Variants in SHC3 observed in about 807,000 individuals in gnomAD.
SHC3 encodes the protein SHC-transforming protein 3.
In SHC3, 15 loss-of-function variants were observed where a neutral mutation model predicts 60.4. The ratio of observed to expected loss-of-function variants is 0.25; its 90% confidence interval spans 0.17 to 0.38. SHC3 has a LOEUF of 0.38. Ranked by LOEUF, SHC3 falls within the 10% of genes least tolerant of loss-of-function variation. The pLI is 1.00. For missense variants in SHC3, 677 were observed against 786.1 expected (o/e 0.86, Z 1.66); for synonymous variants, 294 against 325.9 (o/e 0.90, Z 1.05).
intron 2 of SHC3, among the ~76,000 whole-genome samples, chr9:89,083,634 T>C (rs568802427): frequency 1.3e-5 from 2 of 152,248 alleles, no homozygotes; most frequent in South Asian, 4.2e-4. Context: ...CGGCCAGACT[T>C]GGATGGTGAG....
chr9:89,014,517 G>T (rs986976770), intron 11 of SHC3, among the ~76,000 whole-genome samples: 1 of 152,116 alleles, frequency 6.6e-6, no homozygotes, highest in Non-Finnish European at 1.5e-5. Flanking sequence ...ATGCTCGAGG[G>T]TCAGCTGAAT....
intron 5 of SHC3, 127 bp from the exon 6 acceptor site, chr9:89,065,707 T>C (rs1393924352): frequency 9.9e-6 from 9 of 910,928 alleles, no homozygotes; most frequent in African/African-American, 1.7e-5. Context: ...AATCAAATGC[T>C]GCCTAAGAAA....
chr9:89,077,746 G>C, intron 3 of SHC3, 94 bp downstream of exon 3: 7 of 1,432,256 alleles, frequency 4.9e-6, no homozygotes, highest in Non-Finnish European at 6.9e-6. Flanking sequence ...ACAGAAAGAG[G>C]ACAATGAATA....
chr9:89,050,379 G>A (rs750212110), intron 7 of SHC3, among the ~76,000 whole-genome samples: 3 of 152,282 alleles, frequency 2.0e-5, no homozygotes, highest in Non-Finnish European at 4.4e-5. Context: ...GCCACCTCCC[G>A]AGTTCAAGTG....
chr9:89,102,523 C>A (rs780304833), intron 2 of SHC3, among the ~76,000 whole-genome samples: 12 of 152,010 alleles, frequency 7.9e-5, no homozygotes, highest in Admixed American at 5.2e-4. Context: ...TGTAATAACC[C>A]AAAATAGCGT....
At chr9:89,035,720 GT>G (rs1481654443) in intron 11 of SHC3, among the ~76,000 whole-genome samples, 2 of 151,722 alleles carry the variant, frequency 1.3e-5, no homozygotes, top group African/African-American at 4.8e-5. Context: ...TCTTTGAGAG[GT>G]TAAGGCAGGT....
At chr9:89,074,428 TTG>T in intron 4 of SHC3, among the ~76,000 whole-genome samples, 1 of 152,230 alleles carries the variant, frequency 6.6e-6, no homozygotes, top group Non-Finnish European at 1.5e-5. Flanking sequence ...AAGTGCCTTG[TTG>T]GTAGCTAAAA....
chr9:89,104,749 C>T (rs926629264), intron 2 of SHC3, among the ~76,000 whole-genome samples: 1 of 152,200 alleles, frequency 6.6e-6, no homozygotes. Flanking sequence ...CTCAGTTTAT[C>T]TATCCTCTCA....
In SHC3 at chr9:89,162,484, C is replaced by A. The variant is rs1216963901; in HGVS notation, c.474+15503G>T. ...CTTTGACAAACCTGAGAAAAACAAGCAATGGGGAAAGGATTCCCTATTTAA... is the reference window on the plus strand; with the variant it reads ...CTTTGACAAACCTGAGAAAAACAAGAAATGGGGAAAGGATTCCCTATTTAA... On this transcript the variant is annotated intron_variant, in intron 1 of 11. Coordinates refer to ENST00000375835, the MANE Select transcript of SHC3 (RefSeq NM_016848.6). 1.5e-3 allele frequency among the ~76,000 whole-genome samples: 230 copies of A among 152,234 alleles called. 2 individuals carry two copies. Among genetic ancestry groups the A allele is most frequent in the African/African-American group, 4.6e-3 (192 of 41,538 alleles).
chr9:89,070,196 T>G (rs1004810328), intron 5 of SHC3, among the ~76,000 whole-genome samples: 2 of 152,242 alleles, frequency 1.3e-5, no homozygotes, highest in Non-Finnish European at 2.9e-5. Flanking sequence ...ATAAGATCAT[T>G]TTTCAATTGA....
In SHC3 at chr9:89,100,257, C is replaced by T. The variant is rs7863387; in HGVS notation, c.545+12299G>A. On this transcript the variant is annotated intron_variant, in intron 2 of 11. Transcript: ENST00000375835. ...GGCAGCAGTCATGAGGTAGTTACCA[C>T]TTCCTGCACATATGCATCAAAGCTT... 4.4e-3 allele frequency among the ~76,000 whole-genome samples: 670 copies of T among 152,266 alleles called. 3 individuals are homozygous for T. The highest frequency in any genetic ancestry group is 0.024 in the Middle Eastern group (7 of 294).
At position 89,075,688 on chromosome 9, in the gene SHC3, T is replaced by A. The variant is rs146418490; in HGVS notation, c.610-460A>T. ...GGGGATTACAAGAATCCCAGAGAGATGCAAGGATGTTCGCGGCCGAAGGGA... is the reference window on the plus strand; with the variant it reads ...GGGGATTACAAGAATCCCAGAGAGAAGCAAGGATGTTCGCGGCCGAAGGGA... On this transcript the variant is annotated intron_variant, in intron 3 of 11. Coordinates refer to ENST00000375835, the MANE Select transcript of SHC3 (RefSeq NM_016848.6). Among the ~76,000 whole-genome samples the A allele has an allele frequency of 9.3e-3, 1,410 of 152,332 alleles. 26 individuals are homozygous for A. Among genetic ancestry groups the A allele is most frequent in the African/African-American group, 0.032 (1,332 of 41,574 alleles).
chr9:89,087,036 A>G (rs1446168100), intron 2 of SHC3, among the ~76,000 whole-genome samples: 1 of 152,126 alleles, frequency 6.6e-6, no homozygotes, highest in East Asian at 1.9e-4. Context: ...CGTGGGTTCC[A>G]CCATGCATGC....
intron 1 of SHC3, among the ~76,000 whole-genome samples, chr9:89,113,124 G>C (rs1397361956): frequency 1.3e-5 from 2 of 151,932 alleles, no homozygotes; most frequent in Non-Finnish European, 2.9e-5. Flanking sequence ...AATATATTTT[G>C]GGTTCTATGA....
chr9:89,099,999 G>A (rs540995022), intron 2 of SHC3, among the ~76,000 whole-genome samples: 16 of 152,080 alleles, frequency 1.1e-4, no homozygotes, highest in African/African-American at 1.9e-4. Context: ...GTTTCCCATC[G>A]CACAAACTTA....
intron 6 of SHC3, among the ~76,000 whole-genome samples, chr9:89,059,729 CG>C (rs1564109306): frequency 2.4e-3 from 20 of 8,196 alleles, no homozygotes; most frequent in South Asian, 9.7e-3. Context: ...TGGTGCAGGA[CG>C]GTGGTGGAGG....
At chr9:89,123,709 C>A (rs184299692) in intron 1 of SHC3, among the ~76,000 whole-genome samples, 1 of 152,178 alleles carries the variant, frequency 6.6e-6, no homozygotes, top group Non-Finnish European at 1.5e-5. Context: ...TCTCAGCCAC[C>A]AAACTTTCCT....
intron 1 of SHC3, among the ~76,000 whole-genome samples, chr9:89,133,814 G>A (rs1483549060): frequency 6.6e-6 from 1 of 152,114 alleles, no homozygotes; most frequent in Non-Finnish European, 1.5e-5. Flanking sequence ...TAATGTAAAT[G>A]ATGAGTTAAT....
intron 1 of SHC3, among the ~76,000 whole-genome samples, chr9:89,130,338 T>C (rs146547523): frequency 0.013 from 2,010 of 152,090 alleles, 28 homozygotes; most frequent in Non-Finnish European, 0.018. Flanking sequence ...ACCCCACTGT[T>C]AACCTTAGAC....
Sources: allele counts gnomAD v4.1 joint callset (sites outside exome capture counted in the v4.1 genomes callset), GRCh38; gene constraint gnomAD v4.1.1; transcripts MANE v1.5; gene names NCBI Gene and HGNC (gene_info 2026-07-23, HGNC 2026-07-21).